Variants in SNX29 observed in about 807,000 individuals in gnomAD.
The protein encoded by SNX29 is sorting nexin-29.
In SNX29, 78 loss-of-function variants were observed where a neutral mutation model predicts 102.1. The observed-to-expected ratio is 0.76, with a 90% CI of 0.64 to 0.92. The LOEUF (loss-of-function observed/expected upper bound fraction) is 0.92. SNX29 is among the 40% of genes least tolerant of loss of function. The pLI is 0.00. For synonymous variants in SNX29, 580 were observed against 414.5 expected (o/e 1.40, Z -4.85); for missense variants, 1,280 against 1,061.7 (o/e 1.21, Z -2.86).
intron 18 of SNX29, among the ~76,000 whole-genome samples, chr16:12,442,153 C>G (rs945508563): frequency 7.2e-5 from 11 of 152,110 alleles, no homozygotes; most frequent in Admixed American, 7.2e-4. Context: ...GTTGTCCCAG[C>G]ACAGTTTGTT....
intron 11 of SNX29, among the ~76,000 whole-genome samples, chr16:12,104,867 G>A (rs923791810): frequency 3.9e-5 from 6 of 152,216 alleles, no homozygotes; most frequent in African/African-American, 1.4e-4. Flanking sequence ...AGATCCAAAA[G>A]ACAAATTGTA....
chr16:12,095,157 T>C (rs1290205221), intron 11 of SNX29: 1 of 152,196 alleles, frequency 6.6e-6, no homozygotes, highest in Non-Finnish European at 1.5e-5. Context: ...CTGGTACTAC[T>C]TTACTAGATC....
At chr16:12,163,031 AC>A (rs957741520) in intron 13 of SNX29, among the ~76,000 whole-genome samples, 7 of 151,994 alleles carry the variant, frequency 4.6e-5, no homozygotes, top group Admixed American at 1.3e-4. Context: ...ACAGGCATGT[AC>A]CACCATGCCC....
At chr16:12,545,484 G>A (rs1157871972) in intron 20 of SNX29, 1 of 152,258 alleles carries the variant, frequency 6.6e-6, no homozygotes, top group Non-Finnish European at 1.5e-5. Context: ...CTCTCCTCCT[G>A]CAACTGTGGC....
rs574533152 is a variant in SNX29, at chr16:12,468,664, G to C, written c.2038-9055G>C. 4.6e-5 allele frequency among the ~76,000 whole-genome samples: 7 copies of C among 152,298 alleles called. No homozygotes were observed. The South Asian group carries it at 1.5e-3, about 32-fold the overall frequency. ...CTGAGCCCTGGGAGGCTGGGATCCT[G>C]CCTGGTTTTGTTCTCCATGATAGCC... On this transcript the variant is annotated intron_variant, in intron 18 of 20. Coordinates refer to ENST00000566228, the MANE Select transcript of SNX29 (RefSeq NM_032167.5).
intron 14 of SNX29, among the ~76,000 whole-genome samples, chr16:12,231,333 A>G (rs1312122514): frequency 6.6e-6 from 1 of 152,214 alleles, no homozygotes; most frequent in Non-Finnish European, 1.5e-5. Flanking sequence ...CCCTCTCTGT[A>G]GACACTTTCT....
At chr16:12,163,958 T>G (rs948800239) in intron 13 of SNX29, among the ~76,000 whole-genome samples, 1 of 151,960 alleles carries the variant, frequency 6.6e-6, no homozygotes, top group Non-Finnish European at 1.5e-5. Flanking sequence ...AAAAATGAGG[T>G]CACAGGTAGT....
At chr16:12,563,174 G>C (rs933664562) in intron 20 of SNX29, among the ~76,000 whole-genome samples, 2 of 145,476 alleles carry the variant, frequency 1.4e-5, no homozygotes, top group African/African-American at 2.6e-5. Flanking sequence ...TCTGGGCTCA[G>C]GGATGTCACT....
chr16:12,284,756 A>T (rs1414359127), intron 15 of SNX29, among the ~76,000 whole-genome samples: 6 of 148,546 alleles, frequency 4.0e-5, no homozygotes, highest in African/African-American at 1.2e-4. Flanking sequence ...ACAGAGTCTC[A>T]TTCTGTCACC....
intron 16 of SNX29, among the ~76,000 whole-genome samples, chr16:12,391,495 T>G (rs747011216): frequency 4.6e-5 from 7 of 152,192 alleles, no homozygotes; most frequent in Non-Finnish European, 1.0e-4. Flanking sequence ...GGATTTTGCT[T>G]GAAATTTTAA....
At chr16:12,445,891 C>G (rs2086025586) in intron 18 of SNX29, among the ~76,000 whole-genome samples, 1 of 152,142 alleles carries the variant, frequency 6.6e-6, no homozygotes, top group African/African-American at 2.4e-5. Context: ...ACCTGAGAGG[C>G]TAAGCCACTT....
chr16:12,423,213 A>C (rs2084935546), intron 18 of SNX29, among the ~76,000 whole-genome samples: 1 of 151,862 alleles, frequency 6.6e-6, no homozygotes, highest in South Asian at 2.1e-4. Context: ...TTTTTTAAAC[A>C]CAGAAATAAA....
chr16:11,988,208 C>A (rs1318653845), intron 1 of SNX29, among the ~76,000 whole-genome samples: 1 of 150,866 alleles, frequency 6.6e-6, no homozygotes, highest in Non-Finnish European at 1.5e-5. Context: ...GCAGGAGAAT[C>A]ACTTGAACCC....
chr16:12,120,801 C>T (rs1478643247), intron 11 of SNX29, among the ~76,000 whole-genome samples: 1 of 152,130 alleles, frequency 6.6e-6, no homozygotes, highest in Non-Finnish European at 1.5e-5. Context: ...TGTTTGAGGT[C>T]ATGGTAATGA....
chr16:12,290,927 C>T lies in SNX29; in HGVS notation c.1782+12891C>T, dbSNP rs1428856051. ...TGAGTCACTGCTTGGAGGAGAGTTT[C>T]TCTGTTGTGTTGCTGGATCCACTAT... On this transcript the variant is annotated intron_variant, in intron 15 of 20. Transcript: ENST00000566228. 1.3e-5 allele frequency among the ~76,000 whole-genome samples: 2 copies of T among 152,140 alleles called. 1 individual carries two copies. Among genetic ancestry groups the T allele is most frequent in the Non-Finnish European group, 2.9e-5 (2 of 68,030 alleles).
intron 13 of SNX29, among the ~76,000 whole-genome samples, chr16:12,179,341 C>G (rs1054909885): frequency 2.0e-5 from 3 of 152,204 alleles, no homozygotes; most frequent in Admixed American, 2.0e-4. Flanking sequence ...AAAAGTTAGC[C>G]AGGTGTGGGG....
intron 15 of SNX29, among the ~76,000 whole-genome samples, chr16:12,331,014 T>C (rs547589945): frequency 9.3e-4 from 142 of 152,380 alleles, no homozygotes; most frequent in South Asian, 3.1e-3. Context: ...GTTTCTCATC[T>C]TCTTTGGGCC....
intron 14 of SNX29, among the ~76,000 whole-genome samples, chr16:12,231,699 C>T (rs540675204): frequency 6.6e-6 from 1 of 152,276 alleles, no homozygotes; most frequent in African/African-American, 2.4e-5. Flanking sequence ...TTTCTGACTT[C>T]TGTTTCGGGT....
intron 19 of SNX29, among the ~76,000 whole-genome samples, chr16:12,514,345 G>T (rs1174356449): frequency 6.6e-6 from 1 of 152,090 alleles, no homozygotes; most frequent in African/African-American, 2.4e-5. Flanking sequence ...CTCTGCTCCT[G>T]AATCTTGTGG....
Sources: allele counts gnomAD v4.1 joint callset (sites outside exome capture counted in the v4.1 genomes callset), GRCh38; gene constraint gnomAD v4.1.1; transcripts MANE v1.5; gene names NCBI Gene and HGNC (gene_info 2026-07-23, HGNC 2026-07-21).